UQCRC2: variants seen among roughly 807,000 people sequenced by gnomAD.
The protein encoded by UQCRC2 is cytochrome b-c1 complex subunit 2, mitochondrial.
UQCRC2 carries 49 observed loss-of-function variants against 55.6 expected under a neutral mutation model. The ratio of observed to expected loss-of-function variants is 0.88; its 90% CI spans 0.70 to 1.12. The LOEUF (loss-of-function observed/expected upper bound fraction) is 1.12, where lower values mean the gene tolerates loss of function less well. Ranked by LOEUF, UQCRC2 falls within the 50% of genes most tolerant of loss-of-function variation. The pLI is 0.00. For missense variants in UQCRC2, 506 were observed against 547.8 expected (o/e 0.92, Z 0.76); for synonymous variants, 193 against 192.0 (o/e 1.01, Z -0.04).
chr16:21,971,792 A>T (rs1898467627), intron 9 of UQCRC2, 131 bp from the exon 10 acceptor site: 1 of 1,373,988 alleles, frequency 7.3e-7, no homozygotes, highest in Non-Finnish European at 1.0e-6. Flanking sequence ...TGGGGACAGG[A>T]TGGCATGGGG....
Position 21,976,147 on chromosome 16 carries a change from A to C in UQCRC2, c.1048-20A>C, listed in dbSNP as rs1449263673. 1 of 1,607,424 alleles carries C rather than the reference A, an allele frequency of 6.2e-7. No homozygotes were observed. The highest frequency in any genetic ancestry group is 1.7e-5 in the Admixed American group (1 of 59,950). On this transcript the variant is annotated intron_variant, in intron 11 of 13. Transcript: ENST00000268379. ...CTCTGGTACTGACCACAGATGACCA[A>C]CTTTTCTTATCTGTCCTAGGTTATC...
chr16:21,964,287 G>A (rs1362728086), intron 6 of UQCRC2, among the ~76,000 whole-genome samples: 3 of 152,116 alleles, frequency 2.0e-5, no homozygotes, highest in Non-Finnish European at 2.9e-5. Flanking sequence ...CGGCAGTGAG[G>A]CACCAGCCTG....
chr16:21,967,414 TA>T (rs1898352832), intron 7 of UQCRC2, among the ~76,000 whole-genome samples: 1 of 152,212 alleles, frequency 6.6e-6, no homozygotes, highest in Admixed American at 6.5e-5. Flanking sequence ...TGTATATTTG[TA>T]CTTTTTACAT....
At chr16:21,970,156 TC>T (rs1350376720) in intron 8 of UQCRC2, among the ~76,000 whole-genome samples, 1 of 152,258 alleles carries the variant, frequency 6.6e-6, no homozygotes, top group Non-Finnish European at 1.5e-5. Context: ...AATGTCTTAT[TC>T]CCTTTTATGG....
At chr16:21,969,059 C>G (rs1357672493) in intron 8 of UQCRC2, among the ~76,000 whole-genome samples, 1 of 152,170 alleles carries the variant, frequency 6.6e-6, no homozygotes, top group East Asian at 1.9e-4. Context: ...AGCCAACTAT[C>G]TTTGTTTTAA....
At chr16:21,961,413 C>A in intron 4 of UQCRC2, 3 of 341,148 alleles carry the variant, frequency 8.8e-6, no homozygotes, top group Non-Finnish European at 1.8e-5. Flanking sequence ...CAACATAGCA[C>A]AACTGAAGGG....
chr16:21,973,258 CAGT>C (rs1327902098), intron 10 of UQCRC2, among the ~76,000 whole-genome samples: 2 of 152,172 alleles, frequency 1.3e-5, no homozygotes, highest in African/African-American at 4.8e-5. Flanking sequence ...GGACCTGAGT[CAGT>C]AGGTCCATTT....
At chr16:21,979,274 C>T (rs1157771931) in intron 12 of UQCRC2, among the ~76,000 whole-genome samples, 1 of 152,188 alleles carries the variant, frequency 6.6e-6, no homozygotes, top group East Asian at 1.9e-4. Flanking sequence ...TATACACTGT[C>T]CCCAACTTGC....
rs555640121 is a variant in UQCRC2 at position 21,959,817 on chromosome 16, G to A, written c.332+1218G>A. ...GAAGGGATGTTCTATTAGCAGGCAT[G>A]AAAACAGTGTCAATCTCCTTGTACA... is the stretch of plus-strand genomic sequence containing the variant. On this transcript the variant is annotated intron_variant, in intron 4 of 13. Coordinates refer to ENST00000268379, the MANE Select transcript of UQCRC2 (RefSeq NM_003366.4). The A allele has an allele frequency of 2.0e-5, 3 of 152,366 alleles. No individual in the cohort carries two copies. In the East Asian group the frequency reaches 5.8e-4, roughly 29 times the overall value. 9.4% of individuals were successfully genotyped at this position (152,366 alleles called of 1,614,324 possible). A position where few individuals can be genotyped will look rare whatever the true frequency, so the allele number is the denominator to read the frequency against.
At chr16:21,980,373 A>G in intron 12 of UQCRC2, 174 bp from the exon 13 acceptor site, 2 of 693,784 alleles carry the variant, frequency 2.9e-6, no homozygotes, top group Non-Finnish European at 2.3e-6. Context: ...TTACTGTTTT[A>G]GTATGTTCCA....
chr16:21,979,488 C>T (rs951217332), intron 12 of UQCRC2, among the ~76,000 whole-genome samples: 2 of 152,058 alleles, frequency 1.3e-5, no homozygotes, highest in African/African-American at 4.8e-5. Context: ...TAGTCTATTG[C>T]TCTTAGGCTA....
intron 6 of UQCRC2, among the ~76,000 whole-genome samples, chr16:21,964,744 C>T (rs1463426203): frequency 6.6e-6 from 1 of 152,226 alleles, no homozygotes; most frequent in Non-Finnish European, 1.5e-5. Context: ...GCCGACATTG[C>T]ACCCATAATA....
At chr16:21,970,329 A>G (rs1162467617) in intron 8 of UQCRC2, among the ~76,000 whole-genome samples, 1 of 152,220 alleles carries the variant, frequency 6.6e-6, no homozygotes, top group Non-Finnish European at 1.5e-5. Context: ...TTGCCAGGAC[A>G]TATGGTAACT....
intron 4 of UQCRC2, chr16:21,959,354 CA>C: frequency 3.7e-6 from 1 of 271,230 alleles, no homozygotes; most frequent in Non-Finnish European, 7.4e-6. Context: ...ACAGCATCTT[CA>C]ACCAGGAGCA....
intron 7 of UQCRC2, among the ~76,000 whole-genome samples, chr16:21,966,572 A>T (rs908497197): frequency 6.6e-6 from 1 of 152,194 alleles, no homozygotes; most frequent in Non-Finnish European, 1.5e-5. Context: ...TTTTATTCTT[A>T]GTTAGCTGTT....
intron 8 of UQCRC2, among the ~76,000 whole-genome samples, chr16:21,970,405 C>T (rs1898431400): frequency 6.6e-6 from 1 of 152,192 alleles, no homozygotes; most frequent in Admixed American, 6.5e-5. Context: ...TACATTCCCA[C>T]CAGCAATGCA....
intron 4 of UQCRC2, chr16:21,961,225 A>G (rs1819144392): frequency 2.9e-6 from 1 of 346,820 alleles, no homozygotes. Flanking sequence ...TTAGGAAAGA[A>G]TCAAGGAATA....
intron 13 of UQCRC2, 134 bp downstream of exon 13, chr16:21,980,834 A>T: frequency 9.8e-7 from 1 of 1,021,696 alleles, no homozygotes; most frequent in Non-Finnish European, 1.4e-6. Flanking sequence ...ATGTGGAGGC[A>T]GGAGGGCTCA....
At chr16:21,975,859 G>A (rs1352053456) in intron 11 of UQCRC2, among the ~76,000 whole-genome samples, 3 of 152,170 alleles carry the variant, frequency 2.0e-5, no homozygotes, top group East Asian at 1.9e-4. Context: ...GGGAGGTTAA[G>A]GTGGGAGGAT....
Sources: gnomAD v4.1 joint callset for allele counts (sites outside exome capture counted in the v4.1 genomes callset) on GRCh38, gnomAD v4.1.1 for gene constraint, MANE v1.5 for transcripts, NCBI Gene and HGNC (gene_info 2026-07-23, HGNC 2026-07-21) for gene names.